Variants in RFT1 observed in about 807,000 individuals in gnomAD.
The protein encoded by RFT1 is RFT1 glycolipid translocator homolog, also known as man(5)GlcNAc(2)-PP-dolichol translocation protein RFT1.
RFT1 carries 43 observed loss-of-function variants against 62.2 expected under a neutral mutation model. The ratio of observed to expected loss-of-function variants is 0.69; its 90% CI spans 0.54 to 0.89. The LOEUF is 0.89. Ranked by LOEUF, RFT1 falls within the 40% of genes least tolerant of loss-of-function variation. The pLI, the probability that RFT1 is intolerant of heterozygous loss-of-function variation, is 0.00. For synonymous variants in RFT1, 262 were observed against 264.6 expected, an observed-to-expected ratio of 0.99 and a Z score of 0.10; for missense variants, 605 against 649.9, an observed-to-expected ratio of 0.93 and a Z score of 0.75.
intron 1 of RFT1, 65 bp downstream of exon 1, chr3:53,130,273 C>A: frequency 6.7e-7 from 1 of 1,493,120 alleles, no homozygotes; most frequent in Non-Finnish European, 9.1e-7. Context: ...TCTCAAGGGC[C>A]CAAGGGCTGC....
chr3:53,092,180 A>C, intron 12 of RFT1, 110 bp from the exon 13 acceptor site: 1 of 1,428,646 alleles, frequency 7.0e-7, no homozygotes, highest in Non-Finnish European at 9.7e-7. Flanking sequence ...GATAAAAGGC[A>C]TAACAGCCAT....
Position 53,120,036 on chromosome 3 carries a change from A to C in RFT1, c.559-15T>G, listed in dbSNP as rs371166734. On this transcript the variant is annotated splice_polypyrimidine_tract_variant and intron_variant, in intron 5 of 12. Coordinates refer to ENST00000296292, the MANE Select transcript of RFT1 (RefSeq NM_052859.4). The stretch of plus-strand genomic sequence containing the variant: ...GTATAGAAAAGCTGAGAAAAAAAAT[A>C]AACTGTTTTAATAAAGGCATAATTA... 12 of 1,586,164 alleles carry C rather than the reference A, an allele frequency of 7.6e-6. No individual in the cohort carries two copies. The African/African-American group carries it at 1.5e-4, about 20-fold the overall frequency.
At chr3:53,103,684 C>T (rs1314727789) in intron 10 of RFT1, 2 of 458,200 alleles carry the variant, frequency 4.4e-6, no homozygotes, top group Non-Finnish European at 8.1e-6. Context: ...ATTCTAGGCC[C>T]GAGAGGAAAG....
intron 7 of RFT1, among the ~76,000 whole-genome samples, chr3:53,108,954 C>A (rs1168071383): frequency 1.3e-5 from 2 of 152,174 alleles, no homozygotes; most frequent in Admixed American, 1.3e-4. Flanking sequence ...CAGGCGTGAG[C>A]CACCGTGCCG....
intron 1 of RFT1, 94 bp from the exon 2 acceptor site, chr3:53,126,088 G>C (rs943137505): frequency 9.9e-7 from 1 of 1,005,674 alleles, no homozygotes; most frequent in Non-Finnish European, 1.5e-6. Flanking sequence ...TTCCTAATGT[G>C]ATGTAATGAC....
intron 11 of RFT1, among the ~76,000 whole-genome samples, chr3:53,094,989 C>T (rs947070834): frequency 1.7e-4 from 26 of 151,874 alleles, no homozygotes; most frequent in Middle Eastern, 3.2e-3. Flanking sequence ...CTTTTTTGGC[C>T]GGGCACGGTG....
the RFT1 span, among the ~76,000 whole-genome samples, chr3:53,083,043 TTA>T: frequency 3.4e-5 from 5 of 148,778 alleles, no homozygotes; most frequent in Admixed American, 3.4e-4. Flanking sequence ...TAAAAATACT[TTA>T]AAAAAATTAG....
At chr3:53,069,025 C>T in the RFT1 span, among the ~76,000 whole-genome samples, 7 of 152,318 alleles carry the variant, frequency 4.6e-5, no homozygotes, top group Admixed American at 6.5e-5. Flanking sequence ...TTGCAACCTC[C>T]GCCTCCCAGG....
chr3:53,115,201 G>A (rs1239091746), intron 6 of RFT1, among the ~76,000 whole-genome samples: 3 of 152,152 alleles, frequency 2.0e-5, no homozygotes, highest in Admixed American at 6.5e-5. Context: ...GTCAAGCTTG[G>A]AGATTGGGGC....
At chr3:53,118,719 G>A (rs988922005) in intron 6 of RFT1, among the ~76,000 whole-genome samples, 4 of 152,098 alleles carry the variant, frequency 2.6e-5, no homozygotes, top group South Asian at 2.1e-4. Context: ...CAGAGACAAC[G>A]TGGCAATATC....
intron 5 of RFT1, among the ~76,000 whole-genome samples, chr3:53,120,930 C>T (rs1032993666): frequency 1.3e-5 from 2 of 152,230 alleles, no homozygotes; most frequent in African/African-American, 4.8e-5. Flanking sequence ...CTTAAAGCTC[C>T]AGCGGCACTG....
rs1469116299 is a variant in RFT1 at position 53,098,825 on chromosome 3, A to AAG, written c.1208+554_1208+555dup. ...TCAAAAAAAAAAAAAAAAAAAAAAAAAGAACCACTGGTAGGGGATTCCAGG... is the reference window on the plus strand; with the variant it reads ...TCAAAAAAAAAAAAAAAAAAAAAAAAAGAGAACCACTGGTAGGGGATTCCAGG... On this transcript the variant is annotated intron_variant, in intron 11 of 12. Coordinates refer to ENST00000296292, the MANE Select transcript of RFT1 (RefSeq NM_052859.4). Among the ~76,000 whole-genome samples the AAG allele has an allele frequency of 2.0e-3, 301 of 150,544 alleles. 1 individual carries two copies. The highest frequency in any genetic ancestry group is 3.7e-3 in the Non-Finnish European group (246 of 67,320).
chr3:53,108,601 C>T (rs1456413903), intron 7 of RFT1, among the ~76,000 whole-genome samples: 1 of 151,662 alleles, frequency 6.6e-6, no homozygotes, highest in Non-Finnish European at 1.5e-5. Context: ...CCCATGTTGG[C>T]CAGACTGGTC....
chr3:53,103,678 T>C, intron 10 of RFT1: 1 of 445,150 alleles, frequency 2.2e-6, no homozygotes. Context: ...AAACACATTC[T>C]AGGCCCGAGA....
intron 9 of RFT1, among the ~76,000 whole-genome samples, chr3:53,105,417 C>CA (rs1350139847): frequency 7.1e-6 from 1 of 140,296 alleles, no homozygotes; most frequent in African/African-American, 2.7e-5. Context: ...CTATCCCCGC[C>CA]CCCCCCCCCA....
intron 11 of RFT1, among the ~76,000 whole-genome samples, chr3:53,097,286 C>T (rs760540651): frequency 9.9e-5 from 15 of 152,124 alleles, no homozygotes; most frequent in East Asian, 5.8e-4. Flanking sequence ...AGGTATTCCA[C>T]GTGCTCAGAC....
In RFT1 at chr3:53,122,554, CA is replaced by C; in HGVS notation, c.275del (p.Leu92ArgfsTer44). 2 of 1,606,774 alleles carry C rather than the reference CA, an allele frequency of 1.2e-6. No homozygotes were observed. Among genetic ancestry groups the C allele is most frequent in the Non-Finnish European group, 1.7e-6 (2 of 1,175,610 alleles). On this transcript the variant is annotated frameshift_variant, in exon 4 of 13. Transcript: ENST00000296292. LOFTEE classifies it high-confidence loss of function. Reference sequence around the variant, plus strand: ...CCAGGAATAAGGACCAAAACACACCCAGGGGGACTCTAGAAGAGGAGAAAAA... The same window carrying C: ...CCAGGAATAAGGACCAAAACACACCCGGGGGACTCTAGAAGAGGAGAAAAA... ...TLNLLWLTVP[L>X]GVFWSLFLGW... is the part of the protein sequence containing the mutation.
At chr3:53,124,151 G>A (rs1702046527) in intron 2 of RFT1, among the ~76,000 whole-genome samples, 1 of 152,220 alleles carries the variant, frequency 6.6e-6, no homozygotes, top group Non-Finnish European at 1.5e-5. Flanking sequence ...ATAAGGAGGA[G>A]AAGAAGATAA....
downstream of RFT1, among the ~76,000 whole-genome samples, chr3:53,083,731 T>G (rs768769058): frequency 4.6e-5 from 7 of 152,190 alleles, no homozygotes; most frequent in Non-Finnish European, 7.3e-5. Flanking sequence ...CAGCCAGAGC[T>G]CCACATGGTT....
Sources: allele counts gnomAD v4.1 joint callset (sites outside exome capture counted in the v4.1 genomes callset), GRCh38; gene constraint gnomAD v4.1.1; transcripts MANE v1.5; gene names NCBI Gene and HGNC (gene_info 2026-07-23, HGNC 2026-07-21).